ARHGAP12: variants seen among roughly 807,000 people sequenced by gnomAD.
ARHGAP12 encodes the protein Rho GTPase activating protein 12, also known as rho GTPase-activating protein 12.
Under a neutral mutation model 108.6 loss-of-function variants are expected in ARHGAP12, and 64 were observed. The ratio of observed to expected loss-of-function variants is 0.59; its 90% CI spans 0.48 to 0.73. The LOEUF is 0.73. Ranked by LOEUF, ARHGAP12 falls within the 30% of genes least tolerant of loss-of-function variation. The pLI is 0.00. For missense variants in ARHGAP12, 940 were observed against 1,005.9 expected (o/e 0.93, Z 0.89); for synonymous variants, 312 against 337.2 (o/e 0.93, Z 0.82).
Position 31,829,842 on chromosome 10 carries a change from G to A in ARHGAP12, c.1448+1897C>T, listed in dbSNP as rs114332400. Among the ~76,000 whole-genome samples, 974 of 152,208 alleles carry A rather than the reference G, an allele frequency of 6.4e-3. 17 individuals are homozygous for A. The highest frequency in any genetic ancestry group is 0.022 in the African/African-American group (927 of 41,516). ...CATTTGTAGAGTTTCGGAGCAGCAG[G>A]AAAATGCACAATTATCTGAACATAT... On this transcript the variant is annotated intron_variant, in intron 10 of 19. Transcript: ENST00000344936.
chr10:31,892,133 C>A (rs991632491), intron 3 of ARHGAP12, among the ~76,000 whole-genome samples: 7 of 152,180 alleles, frequency 4.6e-5, no homozygotes, highest in African/African-American at 1.4e-4. Context: ...AAAGGAACAA[C>A]TGGTACCAGA....
intron 6 of ARHGAP12, among the ~76,000 whole-genome samples, chr10:31,850,474 C>T (rs923474079): frequency 5.3e-5 from 8 of 152,136 alleles, no homozygotes; most frequent in Non-Finnish European, 1.2e-4. Flanking sequence ...TTTTGGCCAT[C>T]ATGATCCATA....
chr10:31,892,992 G>A (rs1439384553), intron 3 of ARHGAP12, among the ~76,000 whole-genome samples: 4 of 152,122 alleles, frequency 2.6e-5, no homozygotes, highest in Admixed American at 1.3e-4. Flanking sequence ...ACCTGCTCCT[G>A]AATGACTACT....
chr10:31,831,302 T>G (rs1046200480), intron 10 of ARHGAP12, among the ~76,000 whole-genome samples: 2 of 152,214 alleles, frequency 1.3e-5, no homozygotes, highest in Admixed American at 6.5e-5. Flanking sequence ...TTTAGAAAAT[T>G]AATCTCTATA....
intron 3 of ARHGAP12, among the ~76,000 whole-genome samples, chr10:31,897,110 C>T (rs1838729810): frequency 6.6e-6 from 1 of 152,106 alleles, no homozygotes; most frequent in South Asian, 2.1e-4. Context: ...ACATCAGCTT[C>T]CTACAGTAAA....
chr10:31,909,061 CAT>C lies in ARHGAP12; in HGVS notation c.-71-137_-71-136del, dbSNP rs766161967. ...CAAATCTCAAACCCCAAAAAGCAAACATGTGTCTACTATCATATGCACTGCCA... is the reference window on the plus strand; with the variant it reads ...CAAATCTCAAACCCCAAAAAGCAAACGTGTCTACTATCATATGCACTGCCA... On this transcript the variant is annotated intron_variant, in intron 2 of 19. Transcript: ENST00000344936. 2.4e-4 allele frequency: 129 copies of C among 542,140 alleles called. 1 individual carries two copies. In the East Asian group the frequency reaches 2.6e-3, roughly 11 times the overall value. 33.6% of individuals were successfully genotyped at this position (542,140 alleles called of 1,614,324 possible).
chr10:31,891,192 T>C (rs1445236116), intron 3 of ARHGAP12, among the ~76,000 whole-genome samples: 1 of 152,184 alleles, frequency 6.6e-6, no homozygotes, highest in African/African-American at 2.4e-5. Flanking sequence ...TCCAAATCAA[T>C]GTAAGATTAG....
At chr10:31,852,175 A>G (rs1836706499) in intron 6 of ARHGAP12, among the ~76,000 whole-genome samples, 1 of 152,248 alleles carries the variant, frequency 6.6e-6, no homozygotes, top group South Asian at 2.1e-4. Flanking sequence ...ATGATTAAAT[A>G]TAAGACCAAC....
At chr10:31,833,883 G>C (rs1835920703) in intron 9 of ARHGAP12, among the ~76,000 whole-genome samples, 1 of 152,150 alleles carries the variant, frequency 6.6e-6, no homozygotes, top group Admixed American at 6.5e-5. Flanking sequence ...TATTGGGTGA[G>C]GTGGAGAAGT....
rs568037945 is a variant in ARHGAP12, at chr10:31,896,080, G to A, written c.684+12092C>T. 2.6e-5 allele frequency among the ~76,000 whole-genome samples: 4 copies of A among 152,034 alleles called. No individual in the cohort carries two copies. In the East Asian group the frequency reaches 7.8e-4, roughly 29 times the overall value. On this transcript the variant is annotated intron_variant, in intron 3 of 19. Coordinates refer to ENST00000344936, the MANE Select transcript of ARHGAP12 (RefSeq NM_018287.7). ...CAGGAAGGGGAACATCACACACCGG[G>A]GCCTGTTGTGGGGTGGGGGGAGCGG...
At position 31,807,741 on chromosome 10, in the gene ARHGAP12, C is replaced by T. The variant is rs370075636; in HGVS notation, c.2458G>A (p.Gly820Ser). 8 of 1,606,742 alleles carry T rather than the reference C, an allele frequency of 5.0e-6. No individual in the cohort carries two copies. The highest frequency in any genetic ancestry group is 6.8e-6 in the Non-Finnish European group (8 of 1,177,050). Residue 820 changes from glycine to serine, a missense_variant, in exon 20 of 20, where the codon GGT (glycine) becomes AGT (serine). Coordinates refer to ENST00000344936, the MANE Select transcript of ARHGAP12 (RefSeq NM_018287.7). ...PTLLKPEKETGNIAVHTVYQN... is the reference protein window; with the variant it reads ...PTLLKPEKETSNIAVHTVYQN... ...TACACAGTATGAACTGCTATATTAC[C>T]AGTCTCTTTTTCTGGTTTTAATAGA...
In ARHGAP12 at chr10:31,805,661, C is replaced by CACAA. The variant is rs1834797191; in HGVS notation, c.*1996_*1997insTTGT. On this transcript the variant is annotated 3_prime_UTR_variant, in exon 20 of 20. Transcript: ENST00000344936. ...ACATTTAAGACTTCACACACACACA[C>CACAA]ACACACACACACACACACACACACG... The CACAA allele has an allele frequency of 1.3e-5, 2 of 151,162 alleles. No homozygotes were observed. Among genetic ancestry groups the CACAA allele is most frequent in the Admixed American group, 6.6e-5 (1 of 15,194 alleles). The allele number at this position is 151,162 out of a possible 1,614,324, so 9.4% of individuals were successfully genotyped here. A position where few individuals can be genotyped will look rare whatever the true frequency, so the allele number is the denominator to read the frequency against.
rs529260907 is a variant in ARHGAP12, at chr10:31,861,555, G to A, written c.788C>T (p.Pro263Leu). The change falls in exon 4 of 20, where the codon CCG (proline) becomes CTG (leucine). Residue 263 changes from proline to leucine, a missense_variant. By Grantham distance (98) the Pro-to-Leu change is moderately conservative (BLOSUM62 -3). Transcript: ENST00000344936. ...CCATTCTCCATTAATCTGAATTGCC[G>A]GGCTCCCAGGAAGTGGGGGAAGAGC... is the stretch of plus-strand genomic sequence containing the variant. ...QSALPPLPGS[P>L]AIQINGEWET... 3.2e-5 allele frequency: 52 copies of A among 1,613,952 alleles called. No homozygotes were observed. The highest frequency in any genetic ancestry group is 8.3e-5 in the Admixed American group (5 of 59,978).
rs1835261651 is a variant in ARHGAP12 at position 31,817,788 on chromosome 10, CT to C, written c.1730del (p.Gln577ArgfsTer3). ...FKVLSSTINNQAVETDEGIEE... is the reference protein window; with the variant it reads ...FKVLSSTINNXAVETDEGIEE... ...AATTTTACCTAAGTCAACGACATAC[CT>C]GATTATTGATTGTACTACTAAGAAC... On this transcript the variant is annotated frameshift_variant and splice_region_variant, in exon 13 of 20. Transcript: ENST00000344936. LOFTEE classifies it high-confidence loss of function. 1 of 1,576,674 alleles carries C rather than the reference CT, an allele frequency of 6.3e-7. No individual in the cohort carries two copies. The highest frequency in any genetic ancestry group is 1.9e-5 in the Admixed American group (1 of 53,888).
chr10:31,889,767 C>T (rs1006064731), intron 3 of ARHGAP12, among the ~76,000 whole-genome samples: 1 of 151,614 alleles, frequency 6.6e-6, no homozygotes, highest in East Asian at 1.9e-4. Context: ...GCTGGGACTA[C>T]AGGCATGCCC....
intron 1 of ARHGAP12, among the ~76,000 whole-genome samples, chr10:31,919,492 T>C (rs1369788877): frequency 6.6e-6 from 1 of 152,186 alleles, no homozygotes; most frequent in African/African-American, 2.4e-5. Context: ...TTACAAATCC[T>C]CTTTAAAAGT....
chr10:31,894,904 C>G (rs367625481), intron 3 of ARHGAP12, among the ~76,000 whole-genome samples: 3 of 152,106 alleles, frequency 2.0e-5, no homozygotes, highest in African/African-American at 7.2e-5. Flanking sequence ...AACAGAGATA[C>G]AGACCAATGG....
intron 3 of ARHGAP12, among the ~76,000 whole-genome samples, chr10:31,897,745 G>GA (rs1350331776): frequency 6.6e-6 from 1 of 152,040 alleles, no homozygotes; most frequent in Non-Finnish European, 1.5e-5. Context: ...CAAAAGGCAA[G>GA]AAAAAAACAG....
intron 7 of ARHGAP12, among the ~76,000 whole-genome samples, chr10:31,841,857 T>G (rs2132234467): frequency 6.6e-6 from 1 of 152,292 alleles, no homozygotes; most frequent in South Asian, 2.1e-4. Flanking sequence ...GCTAGTTTGT[T>G]CTGGTAGTCA....
Sources: allele counts gnomAD v4.1 joint callset (sites outside exome capture counted in the v4.1 genomes callset), GRCh38; gene constraint gnomAD v4.1.1; transcripts MANE v1.5; gene names NCBI Gene and HGNC (gene_info 2026-07-23, HGNC 2026-07-21).